The following DPH5 variants were observed in gnomAD, a reference collection of about 807,000 sequenced individuals.
The protein encoded by DPH5 is diphthamide biosynthesis 5.
Under a neutral mutation model 31.6 loss-of-function variants are expected in DPH5, and 31 were observed. That is an observed-to-expected ratio of 0.98 (90% CI 0.74 to 1.32). The LOEUF is 1.32. DPH5 is among the 40% of genes most tolerant of loss of function. The probability of loss-of-function intolerance (pLI) is 0.00; values close to 1 mark genes in which losing one functional copy is unlikely to be tolerated. For missense variants in DPH5, 309 were observed against 335.7 expected, an observed-to-expected ratio of 0.92 and a Z score of 0.62; for synonymous variants, 120 against 115.0, an observed-to-expected ratio of 1.04 and a Z score of -0.28.
In DPH5 at chr1:101,001,566, C is replaced by T. The variant is rs1247292446; in HGVS notation, c.391G>A (p.Val131Ile). Residue 131 changes from valine to isoleucine, a missense_variant, in exon 5 of 8, where the codon GTT (valine) becomes ATT (isoleucine). Transcript: ENST00000370109. ...GLQLYKFGET[V>I]SIVFWTDTWR... is the part of the protein sequence containing the mutation. ...GTGTCTGTCCAAAAAACAATAGAAA[C>T]TGTCTCTCCAAACTTATATAACTAG... 1.9e-6 allele frequency: 3 copies of T among 1,597,660 alleles called. No individual in the cohort carries two copies. The highest frequency in any genetic ancestry group is 1.7e-6 in the Non-Finnish European group (2 of 1,166,068).
chr1:101,019,040 G>A (rs752460035), intron 3 of DPH5, among the ~76,000 whole-genome samples: 1 of 152,060 alleles, frequency 6.6e-6, no homozygotes, highest in Non-Finnish European at 1.5e-5. Context: ...TAAAAATTTT[G>A]TATTCATTAT....
intron 7 of DPH5, among the ~76,000 whole-genome samples, chr1:100,991,176 T>C (rs182418094): frequency 1.3e-5 from 2 of 152,366 alleles, no homozygotes; most frequent in South Asian, 2.1e-4. Context: ...ATGAGACTAG[T>C]AGACTATAGA....
chr1:101,002,545 A>C (rs1658951825), intron 4 of DPH5, among the ~76,000 whole-genome samples: 1 of 152,244 alleles, frequency 6.6e-6, no homozygotes, highest in African/African-American at 2.4e-5. Context: ...TTATTTTCAA[A>C]GACAATATAA....
chr1:101,003,095 A>G (rs1658989607), intron 4 of DPH5, among the ~76,000 whole-genome samples: 1 of 152,234 alleles, frequency 6.6e-6, no homozygotes, highest in Non-Finnish European at 1.5e-5. Context: ...ATTATCTCAT[A>G]GAAGTTATGC....
At chr1:100,997,359 C>T (rs1269934216) in intron 5 of DPH5, among the ~76,000 whole-genome samples, 1 of 151,084 alleles carries the variant, frequency 6.6e-6, no homozygotes, top group Non-Finnish European at 1.5e-5. Flanking sequence ...GCTTCCTCTC[C>T]TTCCTATCTT....
intron 4 of DPH5, among the ~76,000 whole-genome samples, chr1:101,001,931 G>C (rs1305396742): frequency 6.6e-6 from 1 of 152,088 alleles, no homozygotes; most frequent in East Asian, 1.9e-4. Context: ...TGAGCAATCA[G>C]AGCGGGGTTC....
intron 4 of DPH5, among the ~76,000 whole-genome samples, chr1:101,012,316 T>C (rs1174811622): frequency 6.6e-6 from 1 of 152,188 alleles, no homozygotes; most frequent in African/African-American, 2.4e-5. Context: ...GAAGCCATGG[T>C]TTTTAGTTTC....
In DPH5 at chr1:100,990,436, G is replaced by C; in HGVS notation, c.830C>G (p.Ser277Ter). ...LSLFSIPENS[S>*]ESQSINGL The stretch of plus-strand genomic sequence containing the variant: ...AAGTCCATTGATGCTTTGAGATTCT[G>C]AGCTATTTTCTGGTATGGAAAACAG... Residue 277 changes from serine to a stop codon, truncating the protein, a stop_gained, in exon 8 of 8, where the codon TCA (serine) becomes TGA (stop). Coordinates refer to ENST00000370109, the MANE Select transcript of DPH5 (RefSeq NM_015958.3). LOFTEE classifies it high-confidence loss of function. The C allele has an allele frequency of 6.2e-7, 1 of 1,614,008 alleles. No homozygotes were observed. Among genetic ancestry groups the C allele is most frequent in the South Asian group, 1.1e-5 (1 of 91,066 alleles).
At chr1:101,014,424 G>A (rs1659920700) in intron 3 of DPH5, among the ~76,000 whole-genome samples, 3 of 152,182 alleles carry the variant, frequency 2.0e-5, no homozygotes, top group South Asian at 2.1e-4. Flanking sequence ...ACTGTAGTCT[G>A]TTAAGTGTGT....
intron 5 of DPH5, among the ~76,000 whole-genome samples, chr1:100,997,889 T>C (rs758725889): frequency 6.6e-6 from 1 of 152,196 alleles, no homozygotes; most frequent in Non-Finnish European, 1.5e-5. Flanking sequence ...TTTGACCTTC[T>C]ACCCACAGCT....
intron 2 of DPH5, among the ~76,000 whole-genome samples, chr1:101,024,033 A>C (rs987514541): frequency 6.6e-6 from 1 of 152,164 alleles, no homozygotes; most frequent in African/African-American, 2.4e-5. Context: ...AGAGACGCAC[A>C]TTTCCATCAT....
chr1:100,997,685 A>C (rs887443106), intron 5 of DPH5, among the ~76,000 whole-genome samples: 6 of 151,906 alleles, frequency 3.9e-5, no homozygotes, highest in Admixed American at 1.3e-4. Flanking sequence ...TTTTTAATGG[A>C]TATATGGGGA....
intron 7 of DPH5, among the ~76,000 whole-genome samples, chr1:100,991,781 C>T (rs140414427): frequency 0.013 from 1,076 of 84,406 alleles, 18 homozygotes; most frequent in African/African-American, 0.051. Context: ...AAAGCAAGAC[C>T]CCATCTCAAA....
intron 4 of DPH5, among the ~76,000 whole-genome samples, chr1:101,004,053 T>C (rs1357284271): frequency 6.6e-6 from 1 of 152,202 alleles, no homozygotes; most frequent in African/African-American, 2.4e-5. Flanking sequence ...AGAATTGAGA[T>C]GCAAGTCACA....
intron 5 of DPH5, chr1:100,996,273 T>TA (rs1658341372): frequency 6.6e-6 from 1 of 152,148 alleles, no homozygotes; most frequent in Non-Finnish European, 1.5e-5. Context: ...ACCCGTTTAT[T>TA]AATTCATTCA....
chr1:101,004,883 A>G (rs1192581028), intron 4 of DPH5, among the ~76,000 whole-genome samples: 4 of 152,236 alleles, frequency 2.6e-5, no homozygotes, highest in Admixed American at 2.6e-4. Flanking sequence ...GCAATATTTA[A>G]AATGGCATTA....
At chr1:100,995,995 G>A (rs887323921) in intron 5 of DPH5, 1 of 152,168 alleles carries the variant, frequency 6.6e-6, no homozygotes, top group Non-Finnish European at 1.5e-5. Flanking sequence ...TTATAGAAGT[G>A]TTTCTTATAA....
chr1:101,019,007 G>C (rs1660271094), intron 3 of DPH5, among the ~76,000 whole-genome samples: 1 of 152,012 alleles, frequency 6.6e-6, no homozygotes, highest in South Asian at 2.1e-4. Context: ...ATGCCACTAA[G>C]GAAAAGGCAT....
chr1:100,993,566 A>ATATATATATATATATATATATATG (rs1658018401), intron 6 of DPH5, among the ~76,000 whole-genome samples: 1 of 71,232 alleles, frequency 1.4e-5, no homozygotes, highest in Admixed American at 1.3e-4. Flanking sequence ...ATAAATATAT[A>ATATATATATATATATATATATATG]TATATATATA....
Sources: allele counts gnomAD v4.1 joint callset (sites outside exome capture counted in the v4.1 genomes callset), GRCh38; gene constraint gnomAD v4.1.1; transcripts MANE v1.5; gene names NCBI Gene and HGNC (gene_info 2026-07-23, HGNC 2026-07-21).